The following NIPAL2 variants were observed in gnomAD, a reference collection of about 807,000 sequenced individuals.
The protein encoded by NIPAL2 is NIPA-like protein 2.
In NIPAL2, 43 loss-of-function variants were observed where a neutral mutation model predicts 48.9. The observed-to-expected ratio is 0.88, with a 90% confidence interval of 0.69 to 1.13. The LOEUF is 1.13. NIPAL2 is among the 50% of genes most tolerant of loss of function. NIPAL2 has a pLI of 0.00. For synonymous variants in NIPAL2, 167 were observed against 174.6 expected, an observed-to-expected ratio of 0.96 and a Z score of 0.34; for missense variants, 446 against 461.4, an observed-to-expected ratio of 0.97 and a Z score of 0.31.
chr8:98,209,488 C>G (rs73283720), intron 6 of NIPAL2, among the ~76,000 whole-genome samples: 2 of 147,304 alleles, frequency 1.4e-5, no homozygotes, highest in East Asian at 4.0e-4. Flanking sequence ...CATGATGCCA[C>G]GCATCTGTAG....
At chr8:98,253,952 G>T in intron 2 of NIPAL2, 67 bp downstream of exon 2, 1 of 1,027,670 alleles carries the variant, frequency 9.7e-7, no homozygotes, top group Non-Finnish European at 1.5e-6. Context: ...AGTGCCCAAT[G>T]CCCATGAGAG....
chr8:98,252,711 C>A, intron 2 of NIPAL2, 77 bp from the exon 3 acceptor site: 3 of 1,212,888 alleles, frequency 2.5e-6, no homozygotes, highest in Admixed American at 3.0e-5. Context: ...TTTTGTATTC[C>A]TTTAATTCTT....
intron 1 of NIPAL2, among the ~76,000 whole-genome samples, chr8:98,281,864 C>A (rs1368363460): frequency 2.6e-5 from 4 of 152,228 alleles, no homozygotes; most frequent in Non-Finnish European, 5.9e-5. Context: ...ACAATTTATT[C>A]TCTCACAGTT....
intron 4 of NIPAL2, among the ~76,000 whole-genome samples, chr8:98,232,057 C>G (rs114741151): frequency 2.6e-5 from 4 of 151,994 alleles, no homozygotes; most frequent in Non-Finnish European, 5.9e-5. Flanking sequence ...CTCAAGGCAA[C>G]GGCAACAAAG....
At chr8:98,237,452 T>A (rs1812775706) in intron 3 of NIPAL2, among the ~76,000 whole-genome samples, 1 of 152,034 alleles carries the variant, frequency 6.6e-6, no homozygotes, top group South Asian at 2.1e-4. Flanking sequence ...ACCTTTAGCT[T>A]CCCTCTGACC....
Position 98,258,748 on chromosome 8 carries a change from A to G in NIPAL2, c.136-4661T>C, listed in dbSNP as rs75119680. On this transcript the variant is annotated intron_variant, in intron 1 of 10. Transcript: ENST00000430223. ...CTGTAACCAATTCAGCTATTTCTCT[A>G]TCTCACCTCTGATTTCTATATGCCA... Among the ~76,000 whole-genome samples, 1,022 of 149,910 alleles carry G rather than the reference A, an allele frequency of 6.8e-3. 13 individuals carry two copies. The highest frequency in any genetic ancestry group is 0.023 in the African/African-American group (916 of 40,512).
intron 4 of NIPAL2, among the ~76,000 whole-genome samples, chr8:98,232,841 C>CT (rs2130782598): frequency 6.6e-6 from 1 of 152,298 alleles, no homozygotes; most frequent in African/African-American, 2.4e-5. Context: ...CTTAACCTTG[C>CT]TAAGTATCAG....
intron 3 of NIPAL2, among the ~76,000 whole-genome samples, chr8:98,251,366 T>C (rs1309287022): frequency 6.6e-6 from 1 of 152,208 alleles, no homozygotes; most frequent in Admixed American, 6.5e-5. Context: ...AAAATGTCTA[T>C]GTACATGTTA....
chr8:98,215,053 G>A (rs894791048), intron 5 of NIPAL2, among the ~76,000 whole-genome samples: 4 of 152,318 alleles, frequency 2.6e-5, no homozygotes, highest in South Asian at 2.1e-4. Flanking sequence ...TCACAGCAGC[G>A]TTTGGGCCGC....
rs917365941 is a variant in NIPAL2 at position 98,209,777 on chromosome 8, A to C, written c.655+2628T>G. 1.2e-3 allele frequency among the ~76,000 whole-genome samples: 179 copies of C among 151,844 alleles called. 1 individual carries two copies. Among genetic ancestry groups the C allele is most frequent in the Non-Finnish European group, 3.7e-4 (25 of 67,956 alleles). On this transcript the variant is annotated intron_variant, in intron 6 of 10. Coordinates refer to ENST00000430223, the MANE Select transcript of NIPAL2 (RefSeq NM_001321635.2). The stretch of plus-strand genomic sequence containing the variant: ...TTTCCCATTTTGGGAGGTGAGTCTC[A>C]TCTGATTATGTTTTCTAAAAAGTAA...
chr8:98,293,999 T>A lies in NIPAL2; in HGVS notation c.135+4A>T. ...GGCTGCGGTGGCTGCGGGGCGGCCC[T>A]TACCTGGTTCCTGCGGTACCAGTCG... On this transcript the variant is annotated splice_donor_region_variant and intron_variant, in intron 1 of 10. Transcript: ENST00000430223. The A allele has an allele frequency of 6.7e-7, 1 of 1,485,222 alleles. No homozygotes were observed. The allele number at this position is 1,485,222 out of a possible 1,614,324, so 92.0% of individuals were successfully genotyped here.
chr8:98,205,817 A>G (rs1158900229), intron 6 of NIPAL2, among the ~76,000 whole-genome samples: 1 of 152,214 alleles, frequency 6.6e-6, no homozygotes, highest in East Asian at 1.9e-4. Context: ...GGAGACACCT[A>G]GAAGTTTCAT....
At chr8:98,230,743 A>T (rs1314726329) in intron 4 of NIPAL2, among the ~76,000 whole-genome samples, 1 of 152,208 alleles carries the variant, frequency 6.6e-6, no homozygotes, top group Non-Finnish European at 1.5e-5. Context: ...CCCCAGAATC[A>T]GGCTCCTTCT....
intron 1 of NIPAL2, among the ~76,000 whole-genome samples, chr8:98,259,002 G>C (rs556390014): frequency 2.7e-5 from 4 of 149,392 alleles, no homozygotes; most frequent in African/African-American, 7.4e-5. Flanking sequence ...AAATACACAG[G>C]CCACAAAATA....
Position 98,236,191 on chromosome 8 carries a change from A to G in NIPAL2, c.400T>C (p.Phe134Leu). The part of the protein sequence containing the change: ...VTGSAIISVT[F>L]LKDNLRASDL... Reference sequence around the variant, plus strand: ...GAGGCTCTCAAATTGTCTTTCAGAAATGTAACAGAAATAATGGCACTACCT... The same window carrying G: ...GAGGCTCTCAAATTGTCTTTCAGAAGTGTAACAGAAATAATGGCACTACCT... Residue 134 changes from phenylalanine to leucine, a missense_variant, in exon 4 of 11, where the codon TTT (phenylalanine) becomes CTT (leucine). Phe to Leu is a conservative substitution (Grantham distance 22). Transcript: ENST00000430223. The G allele has an allele frequency of 6.2e-7, 1 of 1,604,106 alleles. No individual in the cohort carries two copies. The highest frequency in any genetic ancestry group is 8.5e-7 in the Non-Finnish European group (1 of 1,174,152).
At chr8:98,266,425 A>T (rs944449587) in intron 1 of NIPAL2, among the ~76,000 whole-genome samples, 1 of 152,006 alleles carries the variant, frequency 6.6e-6, no homozygotes, top group African/African-American at 2.4e-5. Flanking sequence ...AACACAGTGA[A>T]ACCCTGTCTC....
chr8:98,196,122 C>T, intron 8 of NIPAL2, 117 bp from the exon 9 acceptor site: 1 of 595,430 alleles, frequency 1.7e-6, no homozygotes, highest in Non-Finnish European at 2.8e-6. Flanking sequence ...TTTAGTCATC[C>T]TTAAAATGCA....
intron 8 of NIPAL2, 35 bp from the exon 9 acceptor site, chr8:98,196,040 G>T (rs1478436452): frequency 1.1e-5 from 14 of 1,286,510 alleles, no homozygotes; most frequent in Non-Finnish European, 1.5e-5. Context: ...AATTGATTTT[G>T]AAGTAAGGTT....
chr8:98,205,374 G>T, intron 6 of NIPAL2, 128 bp from the exon 7 acceptor site: 1 of 803,724 alleles, frequency 1.2e-6, no homozygotes, highest in Non-Finnish European at 1.9e-6. Flanking sequence ...GTTGTGAGAG[G>T]TGTAGGAAGG....
Sources: allele counts gnomAD v4.1 joint callset (sites outside exome capture counted in the v4.1 genomes callset), GRCh38; gene constraint gnomAD v4.1.1; transcripts MANE v1.5; gene names NCBI Gene and HGNC (gene_info 2026-07-23, HGNC 2026-07-21).